The following DPP10 variants were observed in gnomAD, a reference collection of about 807,000 sequenced individuals.
DPP10 encodes the protein dipeptidyl peptidase like 10, also known as inactive dipeptidyl peptidase 10.
In DPP10, 33 loss-of-function variants were observed where a neutral mutation model predicts 120.9. The ratio of observed to expected loss-of-function variants is 0.27; its 90% confidence interval spans 0.21 to 0.37. The LOEUF (loss-of-function observed/expected upper bound fraction) is 0.37, where lower values mean the gene tolerates loss of function less well. Ranked by LOEUF, DPP10 falls within the 10% of genes least tolerant of loss-of-function variation. DPP10 has a pLI of 1.00. For missense variants in DPP10, 816 were observed against 942.8 expected (o/e 0.87, Z 1.76); for synonymous variants, 337 against 326.1 (o/e 1.03, Z -0.36).
intron 1 of DPP10, among the ~76,000 whole-genome samples, chr2:114,755,518 T>C (rs1679644715): frequency 6.6e-6 from 1 of 152,228 alleles, no homozygotes; most frequent in Non-Finnish European, 1.5e-5. Flanking sequence ...TAGGTACTTA[T>C]AATCTAATGG....
intron 3 of DPP10, among the ~76,000 whole-genome samples, chr2:115,450,689 A>G (rs894574840): frequency 2.6e-5 from 4 of 151,802 alleles, no homozygotes; most frequent in African/African-American, 9.7e-5. Flanking sequence ...AGCCATGAGT[A>G]TTTGCTTTTT....
intron 7 of DPP10, among the ~76,000 whole-genome samples, chr2:115,703,726 C>T (rs916035139): frequency 1.3e-5 from 2 of 151,948 alleles, no homozygotes; most frequent in Non-Finnish European, 2.9e-5. Context: ...CTAAATACCT[C>T]CACAGCAACG....
intron 1 of DPP10, among the ~76,000 whole-genome samples, chr2:114,936,411 A>G (rs1387040350): frequency 6.6e-6 from 1 of 151,878 alleles, no homozygotes. Flanking sequence ...ACACATATAT[A>G]CATATATATG....
At chr2:114,763,778 T>C (rs1680479649) in intron 1 of DPP10, among the ~76,000 whole-genome samples, 1 of 152,208 alleles carries the variant, frequency 6.6e-6, no homozygotes, top group African/African-American at 2.4e-5. Context: ...TTGGCATATG[T>C]GGCCTCTAGC....
chr2:114,684,979 G>C (rs1363051721), intron 1 of DPP10, among the ~76,000 whole-genome samples: 10 of 151,950 alleles, frequency 6.6e-5, no homozygotes, highest in Admixed American at 6.6e-4. Context: ...TAATTTGTCT[G>C]TATGGAGGTT....
Position 114,629,791 on chromosome 2 carries a change from C to T in DPP10, c.60+186953C>T, listed in dbSNP as rs1435876. Among the ~76,000 whole-genome samples, 1,088 of 152,034 alleles carry T rather than the reference C, an allele frequency of 7.2e-3. 14 individuals carry two copies. The highest frequency in any genetic ancestry group is 0.025 in the African/African-American group (1,042 of 41,462). On this transcript the variant is annotated intron_variant, in intron 1 of 25. Transcript: ENST00000410059. ...TAGTTAGCATAAGAAAATAATTTGT[C>T]AAATATTCAAAGATGTTTATACACA...
At chr2:115,546,942 G>T (rs1029068756) in intron 5 of DPP10, among the ~76,000 whole-genome samples, 1 of 152,080 alleles carries the variant, frequency 6.6e-6, no homozygotes, top group South Asian at 2.1e-4. Context: ...GCTAATTATT[G>T]GGTACCTACT....
chr2:114,475,300 A>G (rs777910977), intron 1 of DPP10, among the ~76,000 whole-genome samples: 23 of 152,200 alleles, frequency 1.5e-4, no homozygotes, highest in Non-Finnish European at 3.4e-4. Context: ...TGAGGGTGCT[A>G]TATAATATTT....
At chr2:115,008,586 A>G (rs1344699432) in intron 1 of DPP10, among the ~76,000 whole-genome samples, 3 of 102,354 alleles carry the variant, frequency 2.9e-5, no homozygotes, top group Admixed American at 2.9e-4. Flanking sequence ...ATGGGATCTA[A>G]TTAAAGTAAA....
At chr2:115,736,879 C>G (rs534710805) in intron 8 of DPP10, among the ~76,000 whole-genome samples, 3 of 152,246 alleles carry the variant, frequency 2.0e-5, no homozygotes, top group African/African-American at 7.2e-5. Context: ...CTAAACCTCC[C>G]TGTCACTAGT....
At chr2:115,740,549 A>G (rs1677126234) in intron 9 of DPP10, among the ~76,000 whole-genome samples, 1 of 152,138 alleles carries the variant, frequency 6.6e-6, no homozygotes. Context: ...AGAACACACT[A>G]TATAAAATGC....
chr2:115,011,126 T>G (rs1456761209), intron 1 of DPP10, among the ~76,000 whole-genome samples: 2 of 152,224 alleles, frequency 1.3e-5, no homozygotes, highest in Non-Finnish European at 2.9e-5. Context: ...TTAATCGTAT[T>G]GTGGTCAAAG....
At chr2:114,698,571 C>T (rs1478193404) in intron 1 of DPP10, among the ~76,000 whole-genome samples, 3 of 152,030 alleles carry the variant, frequency 2.0e-5, no homozygotes, top group African/African-American at 7.2e-5. Flanking sequence ...CTTGTTGATA[C>T]CCAGAACACG....
intron 1 of DPP10, among the ~76,000 whole-genome samples, chr2:114,794,042 A>G (rs1393474574): frequency 2.0e-5 from 3 of 152,158 alleles, no homozygotes; most frequent in South Asian, 2.1e-4. Flanking sequence ...CTCTGAAACT[A>G]TTGCTGCATT....
intron 1 of DPP10, among the ~76,000 whole-genome samples, chr2:114,458,829 T>C (rs1678717662): frequency 6.6e-6 from 1 of 152,214 alleles, no homozygotes; most frequent in East Asian, 1.9e-4. Flanking sequence ...GAAGAGATCA[T>C]TAATAAAAGT....
At chr2:115,590,151 T>TTTATTATTATTATTATTA (rs59816892) in intron 5 of DPP10, among the ~76,000 whole-genome samples, 13 of 138,774 alleles carry the variant, frequency 9.4e-5, no homozygotes, top group African/African-American at 2.2e-4. Flanking sequence ...ATTTGTTTTC[T>TTTATTATTATTATTATTA]TTATTATTAT....
At chr2:114,606,040 C>T (rs572481155) in intron 1 of DPP10, among the ~76,000 whole-genome samples, 29 of 152,178 alleles carry the variant, frequency 1.9e-4, no homozygotes, top group South Asian at 8.3e-4. Flanking sequence ...GTTGAAATAA[C>T]GATTTGGGCA....
At chr2:115,457,507 A>G (rs1177503487) in intron 3 of DPP10, among the ~76,000 whole-genome samples, 3 of 152,154 alleles carry the variant, frequency 2.0e-5, no homozygotes, top group African/African-American at 7.2e-5. Flanking sequence ...AAAAAATCAA[A>G]ACAAATCAGG....
At chr2:114,699,292 CGT>C (rs5833558) in intron 1 of DPP10, among the ~76,000 whole-genome samples, 17,960 of 148,728 alleles carry the variant, frequency 0.12, 1,455 homozygotes, top group African/African-American at 0.25. Flanking sequence ...TATACATATG[CGT>C]GTGTGTGTGT....
Sources: gnomAD v4.1 joint callset for allele counts (sites outside exome capture counted in the v4.1 genomes callset) on GRCh38, gnomAD v4.1.1 for gene constraint, MANE v1.5 for transcripts, NCBI Gene and HGNC (gene_info 2026-07-23, HGNC 2026-07-21) for gene names.